The following TACR3 variants were observed in gnomAD, a reference collection of about 807,000 sequenced individuals.
TACR3 encodes neuromedin-K receptor.
Under a neutral mutation model 35.0 loss-of-function variants are expected in TACR3, and 34 were observed. That is an observed-to-expected ratio of 0.97 (90% CI 0.74 to 1.30). The LOEUF is 1.30. Among genes scored for constraint, TACR3 ranks in the 50% most tolerant of loss-of-function variants. TACR3 has a pLI of 0.00. For synonymous variants in TACR3, 233 were observed against 221.1 expected, an observed-to-expected ratio of 1.05 and a Z score of -0.48; for missense variants, 558 against 591.7, an observed-to-expected ratio of 0.94 and a Z score of 0.59.
intron 1 of TACR3, among the ~76,000 whole-genome samples, chr4:103,703,923 AC>A (rs1722722586): frequency 6.6e-6 from 1 of 151,848 alleles, no homozygotes; most frequent in Admixed American, 6.6e-5. Context: ...ACACAGTGAA[AC>A]CCCATCTCTA....
chr4:103,671,716 C>T (rs1726060955), intron 1 of TACR3, among the ~76,000 whole-genome samples: 1 of 151,902 alleles, frequency 6.6e-6, no homozygotes, highest in Non-Finnish European at 1.5e-5. Flanking sequence ...GTTTGGTTGT[C>T]TTTTCAAAAA....
At chr4:103,622,328 G>A (rs919215912) in intron 3 of TACR3, among the ~76,000 whole-genome samples, 12 of 152,192 alleles carry the variant, frequency 7.9e-5, no homozygotes, top group African/African-American at 2.4e-4. Context: ...AGTAAAATAG[G>A]TCATGGTTCA....
intron 3 of TACR3, among the ~76,000 whole-genome samples, chr4:103,639,688 C>T (rs1260012557): frequency 1.3e-5 from 2 of 151,890 alleles, no homozygotes; most frequent in Non-Finnish European, 2.9e-5. Context: ...CAGAAATAAT[C>T]AGTATAATAC....
chr4:103,658,132 C>A, intron 2 of TACR3, 83 bp downstream of exon 2: 1 of 1,341,560 alleles, frequency 7.5e-7, no homozygotes, highest in Non-Finnish European at 1.1e-6. Flanking sequence ...AAATGTCAGT[C>A]TTATTTAATT....
intron 1 of TACR3, among the ~76,000 whole-genome samples, chr4:103,694,346 A>T (rs1387355093): frequency 6.6e-6 from 1 of 151,742 alleles, no homozygotes; most frequent in Non-Finnish European, 1.5e-5. Context: ...CAAAATTCTG[A>T]AGATTACTTC....
chr4:103,654,148 A>G (rs1381746386), intron 3 of TACR3, among the ~76,000 whole-genome samples: 1 of 151,580 alleles, frequency 6.6e-6, no homozygotes, highest in East Asian at 1.9e-4. Flanking sequence ...GCGATTCCTC[A>G]GGGATCTAGA....
chr4:103,634,874 C>A (rs915252906), intron 3 of TACR3, among the ~76,000 whole-genome samples: 1 of 151,986 alleles, frequency 6.6e-6, no homozygotes, highest in Non-Finnish European at 1.5e-5. Flanking sequence ...CTTCAACTTC[C>A]TTATTTGCTT....
chr4:103,659,126 GGCAGT>G (rs1228638507), intron 1 of TACR3, among the ~76,000 whole-genome samples: 1 of 152,152 alleles, frequency 6.6e-6, no homozygotes, highest in Non-Finnish European at 1.5e-5. Context: ...ACTGGGGAAT[GGCAGT>G]AAAAACAGAT....
At chr4:103,595,752 T>C (rs1400946559) in intron 3 of TACR3, among the ~76,000 whole-genome samples, 1 of 152,020 alleles carries the variant, frequency 6.6e-6, no homozygotes, top group Non-Finnish European at 1.5e-5. Flanking sequence ...TCTAATTATT[T>C]TATTTTTATT....
intron 3 of TACR3, among the ~76,000 whole-genome samples, chr4:103,645,859 A>G (rs1455872092): frequency 6.6e-6 from 1 of 151,938 alleles, no homozygotes; most frequent in African/African-American, 2.4e-5. Context: ...AACGGAGCAT[A>G]ATAAAGTTAA....
chr4:103,621,864 C>T (rs1724788386), intron 3 of TACR3, among the ~76,000 whole-genome samples: 1 of 152,066 alleles, frequency 6.6e-6, no homozygotes, highest in Admixed American at 6.6e-5. Context: ...TAGATATGGG[C>T]ATAATACAAA....
At chr4:103,669,470 A>C (rs1406043057) in intron 1 of TACR3, among the ~76,000 whole-genome samples, 1 of 152,014 alleles carries the variant, frequency 6.6e-6, no homozygotes, top group Non-Finnish European at 1.5e-5. Context: ...GCAGTTCATG[A>C]GTGTTTCCTT....
chr4:103,708,563 G>A (rs1225568740), intron 1 of TACR3, among the ~76,000 whole-genome samples: 1 of 152,042 alleles, frequency 6.6e-6, no homozygotes, highest in Non-Finnish European at 1.5e-5. Flanking sequence ...GGAAAAAACA[G>A]AGCAGAAAAG....
At chr4:103,655,564 T>C (rs919463637) in intron 3 of TACR3, among the ~76,000 whole-genome samples, 1 of 152,026 alleles carries the variant, frequency 6.6e-6, no homozygotes, top group Non-Finnish European at 1.5e-5. Context: ...TAGTAAAATA[T>C]AATATTTTAG....
chr4:103,700,133 C>T lies in TACR3; in HGVS notation c.548+18995G>A, dbSNP rs534633785. Among the ~76,000 whole-genome samples the T allele has an allele frequency of 3.3e-5, 5 of 152,168 alleles. No individual in the cohort carries two copies. In the South Asian group the frequency reaches 1.0e-3, roughly 32 times the overall value. ...ATCACAGGTACTCCTGGATAAACAACAAAAAACACAACTCCTGATTTGTAG... is the reference window on the plus strand; with the variant it reads ...ATCACAGGTACTCCTGGATAAACAATAAAAAACACAACTCCTGATTTGTAG... On this transcript the variant is annotated intron_variant, in intron 1 of 4. Coordinates refer to ENST00000304883, the MANE Select transcript of TACR3 (RefSeq NM_001059.3).
Position 103,719,664 on chromosome 4 carries a change from GAGA to G in TACR3, c.9_11del (p.Leu4del). On this transcript the variant is annotated inframe_deletion, in exon 1 of 5. Coordinates refer to ENST00000304883, the MANE Select transcript of TACR3 (RefSeq NM_001059.3). ...CGTCTATCCAGGTTTCTGCTGCTGG[GAGA>G]GTGGCCATCGCCACCGGTCTGCAGT... is the stretch of plus-strand genomic sequence containing the variant. The G allele has an allele frequency of 6.2e-7, 1 of 1,610,810 alleles. No individual in the cohort carries two copies. Among genetic ancestry groups the G allele is most frequent in the Non-Finnish European group, 8.5e-7 (1 of 1,180,016 alleles).
chr4:103,641,287 A>G (rs1725351308), intron 3 of TACR3, among the ~76,000 whole-genome samples: 1 of 151,944 alleles, frequency 6.6e-6, no homozygotes, highest in Non-Finnish European at 1.5e-5. Context: ...TTCCAGTACC[A>G]TACCATTTTG....
Position 103,719,571 on chromosome 4 carries a change from C to T in TACR3, c.105G>A (p.Gly35=), listed in dbSNP as rs780951578. 2.4e-5 allele frequency: 39 copies of T among 1,609,834 alleles called. No homozygotes were observed. In the South Asian group the frequency reaches 4.0e-4, roughly 16 times the overall value. Reference sequence around the variant, plus strand: ...GTTGCAGCCACCCAGTCTCAACTGCCCCCGTGGCCGCCCCGGCAGCTAGCG... The same window carrying T: ...GTTGCAGCCACCCAGTCTCAACTGCTCCCGTGGCCGCCCCGGCAGCTAGCG... The part of the protein sequence containing the change: ...TASLAAGAAT[G]AVETGWLQLL... Residue 35 remains glycine, a synonymous_variant, in exon 1 of 5, where the codon GGG becomes GGA. Coordinates refer to ENST00000304883, the MANE Select transcript of TACR3 (RefSeq NM_001059.3).
At chr4:103,641,901 C>T (rs1380359236) in intron 3 of TACR3, among the ~76,000 whole-genome samples, 2 of 151,766 alleles carry the variant, frequency 1.3e-5, no homozygotes, top group Non-Finnish European at 2.9e-5. Context: ...CATAATCTCA[C>T]TTACATGCAT....
Sources: allele counts gnomAD v4.1 joint callset (sites outside exome capture counted in the v4.1 genomes callset), GRCh38; gene constraint gnomAD v4.1.1; transcripts MANE v1.5; gene names NCBI Gene and HGNC (gene_info 2026-07-23, HGNC 2026-07-21).